The following MGLL variants were observed in gnomAD, a reference collection of about 807,000 sequenced individuals.
MGLL encodes the protein lysophospholipase homolog.
MGLL carries 7 observed loss-of-function variants against 29.1 expected under a neutral mutation model. The observed-to-expected ratio is 0.24, with a 90% confidence interval of 0.14 to 0.45. MGLL has a LOEUF of 0.45. MGLL is among the 20% of genes least tolerant of loss of function. The probability of loss-of-function intolerance (pLI) is 0.99; values close to 1 mark genes in which losing one functional copy is unlikely to be tolerated. For synonymous variants in MGLL, 148 were observed against 168.3 expected, an observed-to-expected ratio of 0.88 and a Z score of 0.93; for missense variants, 356 against 413.6, an observed-to-expected ratio of 0.86 and a Z score of 1.21.
rs563569190 is a variant in MGLL at position 127,752,230 on chromosome 3, G to A, written c.262+29559C>T. On this transcript the variant is annotated intron_variant, in intron 3 of 7. Coordinates refer to ENST00000265052, the MANE Select transcript of MGLL (RefSeq NM_007283.7). ...TCCTGCCTCAGCCTCCCAAGTAGCT[G>A]GGATTGCAGGCGCCTGCCACCACTC... 2.0e-5 allele frequency among the ~76,000 whole-genome samples: 3 copies of A among 152,164 alleles called. No individual in the cohort carries two copies. In the East Asian group the frequency reaches 5.8e-4, roughly 29 times the overall value.
At position 127,821,765 on chromosome 3, in the gene MGLL, G is replaced by A. The variant is rs1382659899; in HGVS notation, c.84C>T (p.Asp28=). 1 of 1,613,998 alleles carries A rather than the reference G, an allele frequency of 6.2e-7. No individual in the cohort carries two copies. Among genetic ancestry groups the A allele is most frequent in the Non-Finnish European group, 8.5e-7 (1 of 1,179,844 alleles). The part of the protein sequence containing the change: ...RRTPQSIPYQ[D]LPHLVNADGQ... ...CGTCTGCATTGACCAGGTGAGGGAG[G>A]TCCTGGTAGGGAATGCTCTGCGGGG... Residue 28 remains aspartate, a synonymous_variant, in exon 2 of 8, where the codon GAC becomes GAT. Transcript: ENST00000265052.
intron 3 of MGLL, among the ~76,000 whole-genome samples, chr3:127,730,151 T>C (rs903129376): frequency 2.0e-5 from 3 of 152,186 alleles, no homozygotes; most frequent in Non-Finnish European, 2.9e-5. Context: ...CTGCATCCAG[T>C]CTCCTTCTTT....
At position 127,805,240 on chromosome 3, in the gene MGLL, G is replaced by A. The variant is rs2107742246; in HGVS notation, c.155+16454C>T. On this transcript the variant is annotated intron_variant, in intron 2 of 7. Coordinates refer to ENST00000265052, the MANE Select transcript of MGLL (RefSeq NM_007283.7). The stretch of plus-strand genomic sequence containing the variant: ...TGCAGATGGCTCCAAGTTCCTCTGG[G>A]TGGTGAAATGCCAAACGGATGGCGA... 1.3e-5 allele frequency among the ~76,000 whole-genome samples: 2 copies of A among 152,342 alleles called. 1 individual carries two copies. The highest frequency in any genetic ancestry group is 4.1e-4 in the South Asian group (2 of 4,828).
intron 3 of MGLL, among the ~76,000 whole-genome samples, chr3:127,754,232 C>G (rs1381210392): frequency 6.6e-6 from 1 of 152,208 alleles, no homozygotes; most frequent in African/African-American, 2.4e-5. Flanking sequence ...GCCGCCCACT[C>G]CCCACCAAGC....
intron 2 of MGLL, among the ~76,000 whole-genome samples, chr3:127,819,193 C>T (rs983637178): frequency 6.6e-6 from 1 of 152,188 alleles, no homozygotes; most frequent in Non-Finnish European, 1.5e-5. Flanking sequence ...ACACCTGTGG[C>T]TTAGTGTTGC....
intron 3 of MGLL, chr3:127,735,988 C>T: frequency 4.2e-6 from 6 of 1,427,672 alleles, no homozygotes; most frequent in Non-Finnish European, 5.5e-6. Flanking sequence ...TCAGTTCCTT[C>T]ACGCTAAAAG....
rs538898754 is a variant in MGLL at position 127,811,165 on chromosome 3, A to T, written c.155+10529T>A. The stretch of plus-strand genomic sequence containing the variant: ...TTCCTGCAAAACTGTGGCAGTAGAG[A>T]CTTCAGGAATCATCCTCTCTCAGTC... On this transcript the variant is annotated intron_variant, in intron 2 of 7. Transcript: ENST00000265052. Among the ~76,000 whole-genome samples the T allele has an allele frequency of 2.1e-5, 3 of 144,906 alleles. 1 individual carries two copies. In the South Asian group the frequency reaches 6.2e-4, roughly 30 times the overall value.
At chr3:127,815,508 G>A (rs759377208) in intron 2 of MGLL, among the ~76,000 whole-genome samples, 3 of 152,212 alleles carry the variant, frequency 2.0e-5, no homozygotes, top group Non-Finnish European at 4.4e-5. Flanking sequence ...TTGCCATGAC[G>A]CGGCCTTCTT....
At chr3:127,696,761 T>G (rs976731304) in intron 6 of MGLL, among the ~76,000 whole-genome samples, 15 of 152,010 alleles carry the variant, frequency 9.9e-5, no homozygotes, top group Non-Finnish European at 2.1e-4. Context: ...AGTGGGTTCT[T>G]GGTGGGTTGG....
At chr3:127,700,708 G>A (rs1387180566) in intron 6 of MGLL, among the ~76,000 whole-genome samples, 6 of 152,298 alleles carry the variant, frequency 3.9e-5, no homozygotes, top group Admixed American at 2.6e-4. Flanking sequence ...GCTGGCAACC[G>A]CTGGCCACCT....
intron 3 of MGLL, chr3:127,735,905 TG>T: frequency 6.5e-7 from 1 of 1,539,298 alleles, no homozygotes. Context: ...TGCAAAGAGA[TG>T]GGGCAGCTGG....
intron 6 of MGLL, among the ~76,000 whole-genome samples, chr3:127,703,436 C>A (rs1040399118): frequency 6.6e-6 from 1 of 152,176 alleles, no homozygotes; most frequent in Admixed American, 6.5e-5. Context: ...TGGATTAGAT[C>A]GAGGACAACA....
At chr3:127,737,926 T>C in intron 3 of MGLL, among the ~76,000 whole-genome samples, 1 of 152,020 alleles carries the variant, frequency 6.6e-6, no homozygotes, top group African/African-American at 2.4e-5. Flanking sequence ...CCACCGCCCA[T>C]CAACTCCTTC....
intron 2 of MGLL, among the ~76,000 whole-genome samples, chr3:127,804,200 C>T (rs1010510110): frequency 9.9e-5 from 15 of 152,198 alleles, no homozygotes; most frequent in Admixed American, 7.9e-4. Context: ...GAATTACCAC[C>T]CGGAATGCAA....
chr3:127,694,286 A>AATATATATATATAT (rs869111063), intron 7 of MGLL, among the ~76,000 whole-genome samples: 1 of 97,906 alleles, frequency 1.0e-5, no homozygotes, highest in Non-Finnish European at 1.9e-5. Flanking sequence ...AAAAAAAAAA[A>AATATATATATATAT]ATATATATAT....
At position 127,763,382 on chromosome 3, in the gene MGLL, G is replaced by A. The variant is rs188071612; in HGVS notation, c.262+18407C>T. On this transcript the variant is annotated intron_variant, in intron 3 of 7. Transcript: ENST00000265052. Reference sequence around the variant, plus strand: ...TTTTCTTCTCACCCTCTGGCCCCGCGAAGCCAGGTTGGATGCAGAAAACAC... The same window carrying A: ...TTTTCTTCTCACCCTCTGGCCCCGCAAAGCCAGGTTGGATGCAGAAAACAC... Among the ~76,000 whole-genome samples the A allele has an allele frequency of 1.5e-4, 23 of 152,358 alleles. No homozygotes were observed. The East Asian group carries it at 2.5e-3, about 17-fold the overall frequency.
chr3:127,694,941 C>G, intron 7 of MGLL, 34 bp downstream of exon 7: 1 of 1,601,634 alleles, frequency 6.2e-7, no homozygotes, highest in East Asian at 2.2e-5. Flanking sequence ...CCCCCTCCAC[C>G]TTGGGGGGAA....
chr3:127,714,496 C>T (rs1018222589), intron 5 of MGLL, among the ~76,000 whole-genome samples: 1 of 152,244 alleles, frequency 6.6e-6, no homozygotes, highest in Non-Finnish European at 1.5e-5. Context: ...ACTCCCGTGG[C>T]TGATGGTGTG....
chr3:127,744,023 A>C (rs2076395216), intron 3 of MGLL, among the ~76,000 whole-genome samples: 1 of 152,188 alleles, frequency 6.6e-6, no homozygotes, highest in Non-Finnish European at 1.5e-5. Context: ...AGAGAGATAA[A>C]GGCAGAAATT....
Sources: gnomAD v4.1 joint callset for allele counts (sites outside exome capture counted in the v4.1 genomes callset) on GRCh38, gnomAD v4.1.1 for gene constraint, MANE v1.5 for transcripts, NCBI Gene and HGNC (gene_info 2026-07-23, HGNC 2026-07-21) for gene names.